The following ANKS1B variants were observed in gnomAD, a reference collection of about 807,000 sequenced individuals.
ANKS1B encodes the protein ankyrin repeat and sterile alpha motif domain containing 1B, also known as ankyrin repeat and sterile alpha motif domain-containing protein 1B.
In ANKS1B, 36 loss-of-function variants were observed where a neutral mutation model predicts 148.3. The ratio of observed to expected loss-of-function variants is 0.24; its 90% CI spans 0.19 to 0.32. The LOEUF is 0.32. Among genes scored for constraint, ANKS1B ranks in the 10% least tolerant of loss-of-function variants. The pLI is 1.00. For missense variants in ANKS1B, 1,157 were observed against 1,542.6 expected (o/e 0.75, Z 4.19); for synonymous variants, 542 against 560.8 (o/e 0.97, Z 0.47).
chr12:99,787,475 T>C (rs2065128778), intron 4 of ANKS1B, among the ~76,000 whole-genome samples: 1 of 152,154 alleles, frequency 6.6e-6, no homozygotes, highest in Non-Finnish European at 1.5e-5. Flanking sequence ...ATGTCTTTAT[T>C]AGGAGACATA....
At chr12:98,909,342 C>T (rs984682982) in intron 17 of ANKS1B, among the ~76,000 whole-genome samples, 6 of 152,158 alleles carry the variant, frequency 3.9e-5, no homozygotes, top group African/African-American at 1.2e-4. Context: ...GTAACTTCAA[C>T]GATGCTTTGA....
chr12:99,178,045 T>C (rs1037328089), intron 14 of ANKS1B, among the ~76,000 whole-genome samples: 2 of 152,158 alleles, frequency 1.3e-5, no homozygotes, highest in South Asian at 2.1e-4. Flanking sequence ...TTATGCAGTG[T>C]TTTTCTATTT....
chr12:99,462,847 G>T (rs1322302116), intron 10 of ANKS1B, among the ~76,000 whole-genome samples: 3 of 152,142 alleles, frequency 2.0e-5, no homozygotes, highest in South Asian at 2.1e-4. Context: ...GTTAAAAAGA[G>T]TCTAGGATCT....
chr12:98,920,913 CA>C (rs2099800539), intron 17 of ANKS1B, among the ~76,000 whole-genome samples: 1 of 152,124 alleles, frequency 6.6e-6, no homozygotes, highest in Admixed American at 6.5e-5. Context: ...ATAATTTAAT[CA>C]GCTGGCAAAA....
At chr12:99,326,603 A>G (rs1175923645) in intron 12 of ANKS1B, among the ~76,000 whole-genome samples, 1 of 152,120 alleles carries the variant, frequency 6.6e-6, no homozygotes, top group Non-Finnish European at 1.5e-5. Context: ...TTCCCAGTAC[A>G]GGACTTGAGG....
chr12:99,078,919 C>T (rs1365913831), intron 16 of ANKS1B, among the ~76,000 whole-genome samples: 1 of 152,204 alleles, frequency 6.6e-6, no homozygotes, highest in African/African-American at 2.4e-5. Flanking sequence ...TTCCATCTTG[C>T]TAGCACTTTC....
At chr12:99,805,767 C>T (rs767122897) in intron 4 of ANKS1B, among the ~76,000 whole-genome samples, 3 of 151,764 alleles carry the variant, frequency 2.0e-5, no homozygotes, top group Non-Finnish European at 4.4e-5. Context: ...ACACCTTTTC[C>T]ATTTTTTTTT....
intron 1 of ANKS1B, among the ~76,000 whole-genome samples, chr12:99,982,195 T>C (rs2095712264): frequency 6.6e-6 from 1 of 151,766 alleles, no homozygotes; most frequent in Non-Finnish European, 1.5e-5. Flanking sequence ...GTTGTAGAGC[T>C]ACTACTACTA....
At chr12:99,232,326 C>G (rs969176755) in intron 14 of ANKS1B, among the ~76,000 whole-genome samples, 3 of 152,170 alleles carry the variant, frequency 2.0e-5, no homozygotes, top group African/African-American at 7.2e-5. Context: ...TACATTTTAA[C>G]TACTTAACTA....
intron 16 of ANKS1B, among the ~76,000 whole-genome samples, chr12:99,066,128 C>A (rs2044235565): frequency 6.6e-6 from 1 of 152,022 alleles, no homozygotes; most frequent in South Asian, 2.1e-4. Flanking sequence ...CTAGCCTGAA[C>A]AACATGGTGA....
At chr12:99,456,915 CA>C (rs1301613036) in intron 10 of ANKS1B, among the ~76,000 whole-genome samples, 1 of 151,974 alleles carries the variant, frequency 6.6e-6, no homozygotes, top group African/African-American at 2.4e-5. Context: ...ACAAAAAGCT[CA>C]AAAAACACCT....
intron 14 of ANKS1B, among the ~76,000 whole-genome samples, chr12:99,195,851 C>T (rs77804591): frequency 0.075 from 11,449 of 151,860 alleles, 988 homozygotes; most frequent in African/African-American, 0.21. Context: ...GTAGAATTAT[C>T]GAGCATTTAT....
intron 11 of ANKS1B, among the ~76,000 whole-genome samples, chr12:99,422,363 T>C (rs933071640): frequency 1.5e-4 from 23 of 152,172 alleles, no homozygotes; most frequent in Non-Finnish European, 3.1e-4. Flanking sequence ...CCTCATATTT[T>C]AGTGAGAAAG....
chr12:99,716,552 C>T (rs779192694), intron 8 of ANKS1B, among the ~76,000 whole-genome samples: 17 of 152,152 alleles, frequency 1.1e-4, no homozygotes, highest in Non-Finnish European at 2.2e-4. Flanking sequence ...TGCAATGCCG[C>T]TTGACCCCAA....
chr12:99,596,646 AAT>A (rs1171681899), intron 9 of ANKS1B, among the ~76,000 whole-genome samples: 4 of 151,976 alleles, frequency 2.6e-5, no homozygotes, highest in African/African-American at 9.7e-5. Context: ...GAGACCAAAA[AAT>A]AAACTTTGTC....
intron 14 of ANKS1B, among the ~76,000 whole-genome samples, chr12:99,189,033 A>G (rs1485161563): frequency 6.6e-6 from 1 of 152,254 alleles, no homozygotes; most frequent in East Asian, 1.9e-4. Flanking sequence ...CCAAGGAAAT[A>G]CAAACTACCA....
At chr12:99,794,424 T>C (rs1298490030) in intron 4 of ANKS1B, among the ~76,000 whole-genome samples, 2 of 147,698 alleles carry the variant, frequency 1.4e-5, no homozygotes, top group Non-Finnish European at 1.5e-5. Context: ...GCAACCTAAG[T>C]GTCCATCAAC....
intron 9 of ANKS1B, among the ~76,000 whole-genome samples, chr12:99,506,911 A>C (rs777493669): frequency 5.3e-5 from 8 of 151,964 alleles, no homozygotes; most frequent in Non-Finnish European, 8.8e-5. Context: ...CACATTGTAC[A>C]ATGAGTCCAA....
intron 12 of ANKS1B, among the ~76,000 whole-genome samples, chr12:99,292,546 A>G (rs576939556): frequency 1.8e-3 from 273 of 151,216 alleles, no homozygotes; most frequent in African/African-American, 6.3e-3. Context: ...AACAACTACC[A>G]TCAGAGTGAG....
Sources: allele counts gnomAD v4.1 joint callset (sites outside exome capture counted in the v4.1 genomes callset), GRCh38; gene constraint gnomAD v4.1.1; transcripts MANE v1.5; gene names NCBI Gene and HGNC (gene_info 2026-07-23, HGNC 2026-07-21).